ROBO2: variants seen among roughly 807,000 people sequenced by gnomAD.
ROBO2 encodes roundabout homolog 2.
In ROBO2, 53 loss-of-function variants were observed where a neutral mutation model predicts 160.8. The observed-to-expected ratio is 0.33, with a 90% CI of 0.26 to 0.41. The LOEUF (loss-of-function observed/expected upper bound fraction) is 0.41. ROBO2 is among the 10% of genes least tolerant of loss of function. ROBO2 has a pLI of 1.00. For synonymous variants in ROBO2, 664 were observed against 611.7 expected (o/e 1.09, Z -1.26); for missense variants, 1,577 against 1,722.4 (o/e 0.92, Z 1.49).
chr3:76,833,303 T>A (rs188434762), intron 2 of ROBO2, among the ~76,000 whole-genome samples: 170 of 152,296 alleles, frequency 1.1e-3, no homozygotes, highest in Admixed American at 1.9e-3. Context: ...TTGAAACATG[T>A]GACAACTATT....
intron 2 of ROBO2, among the ~76,000 whole-genome samples, chr3:76,676,370 T>C (rs1388093873): frequency 6.6e-6 from 1 of 151,642 alleles, no homozygotes; most frequent in Non-Finnish European, 1.5e-5. Context: ...GCTATGATAG[T>C]AAGTTTTCTG....
At chr3:77,146,318 C>T (rs1282825173) in intron 2 of ROBO2, among the ~76,000 whole-genome samples, 1 of 152,024 alleles carries the variant, frequency 6.6e-6, no homozygotes, top group African/African-American at 2.4e-5. Flanking sequence ...CTCTGTCAGC[C>T]GTGGGTCATT....
intron 19 of ROBO2, among the ~76,000 whole-genome samples, chr3:77,600,370 G>A (rs1340677528): frequency 6.6e-6 from 1 of 152,168 alleles, no homozygotes; most frequent in Non-Finnish European, 1.5e-5. Flanking sequence ...CAATACAGAA[G>A]CACTTAGACT....
At chr3:77,004,187 G>T (rs892155597) in intron 2 of ROBO2, among the ~76,000 whole-genome samples, 2 of 152,050 alleles carry the variant, frequency 1.3e-5, no homozygotes, top group African/African-American at 2.4e-5. Context: ...ATATTTTGTT[G>T]TCCTGTTAAA....
At chr3:77,579,316 A>T (rs1033812985) in intron 15 of ROBO2, among the ~76,000 whole-genome samples, 1 of 152,126 alleles carries the variant, frequency 6.6e-6, no homozygotes, top group Admixed American at 6.6e-5. Flanking sequence ...ATGAATGTGT[A>T]TGTGTGTGTA....
chr3:77,586,330 G>C (rs2094047822), intron 16 of ROBO2, among the ~76,000 whole-genome samples: 1 of 152,124 alleles, frequency 6.6e-6, no homozygotes, highest in Non-Finnish European at 1.5e-5. Context: ...TAATCATTTG[G>C]CTTTTCACGC....
At chr3:76,329,159 G>C (rs1465491925) in intron 2 of ROBO2, among the ~76,000 whole-genome samples, 1 of 152,036 alleles carries the variant, frequency 6.6e-6, no homozygotes, top group African/African-American at 2.4e-5. Flanking sequence ...CCCCCACGGA[G>C]AGACACGACA....
intron 2 of ROBO2, among the ~76,000 whole-genome samples, chr3:76,499,561 T>C (rs944881300): frequency 6.6e-6 from 1 of 152,184 alleles, no homozygotes; most frequent in Non-Finnish European, 1.5e-5. Flanking sequence ...AAATCAACTG[T>C]AGGCTTTGAT....
intron 2 of ROBO2, among the ~76,000 whole-genome samples, chr3:76,261,720 G>A (rs1420174492): frequency 6.6e-6 from 1 of 151,958 alleles, no homozygotes; most frequent in African/African-American, 2.4e-5. Flanking sequence ...AAAAAATACT[G>A]TGTGCATTTT....
chr3:76,350,552 T>A (rs2074809547), intron 2 of ROBO2, among the ~76,000 whole-genome samples: 1 of 152,092 alleles, frequency 6.6e-6, no homozygotes, highest in South Asian at 2.1e-4. Context: ...TTTCTCTTGC[T>A]ATTCAATAAT....
chr3:77,219,489 G>GTATATATA lies in ROBO2; in HGVS notation c.388+121167_388+121174dup, dbSNP rs10654899. Among the ~76,000 whole-genome samples the GTATATATA allele has an allele frequency of 6.7e-3, 743 of 111,444 alleles. 5 individuals are homozygous for GTATATATA. The highest frequency in any genetic ancestry group is 0.01 in the Admixed American group (105 of 10,108). 73.1% of individuals were successfully genotyped at this position (111,444 alleles called of 152,430 possible). On this transcript the variant is annotated intron_variant, in intron 2 of 25. Transcript: ENST00000461745. ...CTGTGTATATATATATATATAATCT[G>GTATATATA]TATATATATATATATATATATATAT...
chr3:76,104,561 G>A lies in ROBO2; in HGVS notation c.109+166959G>A, dbSNP rs575192178. Among the ~76,000 whole-genome samples the A allele has an allele frequency of 3.3e-5, 5 of 152,278 alleles. No individual in the cohort carries two copies. In the South Asian group the frequency reaches 1.0e-3, roughly 32 times the overall value. ...ATAATGTCATTCATAGCCATAAAAT[G>A]ATGGAATTTCTAATGAATTCCAATC... On this transcript the variant is annotated intron_variant, in intron 2 of 26. Transcript: ENST00000487694.
At chr3:76,622,930 C>T (rs2089331398) in intron 2 of ROBO2, among the ~76,000 whole-genome samples, 1 of 152,152 alleles carries the variant, frequency 6.6e-6, no homozygotes, top group African/African-American at 2.4e-5. Flanking sequence ...CAGGCTTCCC[C>T]GATGTGAGAG....
At chr3:76,366,546 T>C (rs2075820289) in intron 2 of ROBO2, among the ~76,000 whole-genome samples, 1 of 152,068 alleles carries the variant, frequency 6.6e-6, no homozygotes, top group Non-Finnish European at 1.5e-5. Flanking sequence ...AGAATTCTTA[T>C]ATAAATTAGT....
At chr3:77,406,566 A>C (rs7638479) in intron 2 of ROBO2, among the ~76,000 whole-genome samples, 20,845 of 152,166 alleles carry the variant, frequency 0.14, 1,724 homozygotes, top group African/African-American at 0.22. Flanking sequence ...TGACTGGAAA[A>C]CAATTTCAAT....
chr3:76,734,391 G>C (rs2093678765), intron 2 of ROBO2, among the ~76,000 whole-genome samples: 1 of 152,104 alleles, frequency 6.6e-6, no homozygotes, highest in African/African-American at 2.4e-5. Flanking sequence ...CAGGCAAACT[G>C]GGATGTGTAG....
chr3:76,351,292 C>T (rs1195197839), intron 2 of ROBO2, among the ~76,000 whole-genome samples: 1 of 151,718 alleles, frequency 6.6e-6, no homozygotes, highest in African/African-American at 2.4e-5. Context: ...TAGCAACAGC[C>T]CTGAATTCTT....
At chr3:76,832,189 A>G (rs144466161) in intron 2 of ROBO2, among the ~76,000 whole-genome samples, 63 of 152,174 alleles carry the variant, frequency 4.1e-4, no homozygotes, top group Non-Finnish European at 6.3e-4. Flanking sequence ...TCAATGAATT[A>G]ATTAAAGTGC....
At chr3:77,362,440 T>A (rs1363072109) in intron 2 of ROBO2, among the ~76,000 whole-genome samples, 1 of 152,084 alleles carries the variant, frequency 6.6e-6, no homozygotes, top group Non-Finnish European at 1.5e-5. Flanking sequence ...TTAGGTATCA[T>A]CTGGGGGATG....
Sources: allele counts gnomAD v4.1 joint callset (sites outside exome capture counted in the v4.1 genomes callset), GRCh38; gene constraint gnomAD v4.1.1; transcripts MANE v1.5; gene names NCBI Gene and HGNC (gene_info 2026-07-23, HGNC 2026-07-21).